Variants in GPR160 observed in about 807,000 individuals in gnomAD.
GPR160 encodes the protein probable G protein-coupled receptor 160.
In GPR160, 2 loss-of-function variants were observed where a neutral mutation model predicts 2.6. That is an observed-to-expected ratio of 0.77 (90% CI 0.32 to 2.44). GPR160 has a LOEUF of 2.44. Among genes scored for constraint, GPR160 ranks in the 30% most tolerant of loss-of-function variants. The pLI is 0.11. For synonymous variants in GPR160, 130 were observed against 132.2 expected, an observed-to-expected ratio of 0.98 and a Z score of 0.12; for missense variants, 351 against 383.6, an observed-to-expected ratio of 0.91 and a Z score of 0.71.
intron 2 of GPR160, among the ~76,000 whole-genome samples, chr3:170,060,498 C>T (rs1040446677): frequency 3.3e-5 from 5 of 152,174 alleles, no homozygotes; most frequent in Non-Finnish European, 5.9e-5. Context: ...CGAGGTGGCT[C>T]ATGCCTATAA....
chr3:170,047,026 C>G (rs1250142256), intron 2 of GPR160, among the ~76,000 whole-genome samples: 1 of 152,166 alleles, frequency 6.6e-6, no homozygotes. Flanking sequence ...AGTGATTCCC[C>G]TCCAAGCAGC....
intron 3 of GPR160, among the ~76,000 whole-genome samples, chr3:170,081,161 G>A (rs1713101311): frequency 6.6e-6 from 1 of 152,178 alleles, no homozygotes; most frequent in African/African-American, 2.4e-5. Context: ...AACATTGGTT[G>A]TTTAAAACTA....
intron 2 of GPR160, chr3:170,062,479 G>T: frequency 3.4e-6 from 2 of 590,762 alleles, no homozygotes; most frequent in South Asian, 3.6e-5. Flanking sequence ...CAAATGCCAG[G>T]GGAAACCATT....
chr3:170,084,427 CTT>C lies in GPR160; in HGVS notation c.456_457del (p.Tyr153CysfsTer66). On this transcript the variant is annotated frameshift_variant, in exon 4 of 4. Transcript: ENST00000355897. LOFTEE classifies it low-confidence loss of function (END_TRUNC). The stretch of plus-strand genomic sequence containing the variant: ...ATTTTAATTTGGATTTCAGTCCTTG[CTT>C]ATGTTTTGGGAGACCCAGCCATCTA... The C allele has an allele frequency of 2.5e-6, 4 of 1,610,010 alleles. No homozygotes were observed. In the South Asian group the frequency reaches 4.4e-5, roughly 18 times the overall value.
At chr3:170,061,427 T>C (rs562250227) in intron 2 of GPR160, among the ~76,000 whole-genome samples, 2 of 152,220 alleles carry the variant, frequency 1.3e-5, no homozygotes, top group East Asian at 3.9e-4. Flanking sequence ...ATATGGACTA[T>C]GTATTAGATA....
chr3:170,083,116 GTCCTT>G (rs1176200657), intron 3 of GPR160, among the ~76,000 whole-genome samples: 1 of 151,362 alleles, frequency 6.6e-6, no homozygotes, highest in African/African-American at 2.4e-5. Flanking sequence ...TTTCCTTTCA[GTCCTT>G]TCCTGATTCT....
Position 170,084,710 on chromosome 3 carries a change from C to G in GPR160, c.738C>G (p.Val246=). The change falls in exon 4 of 4, where the codon GTC becomes GTG. Residue 246 remains valine, a synonymous_variant. Coordinates refer to ENST00000355897, the MANE Select transcript of GPR160 (RefSeq NM_014373.3). ...AAATATTCTTATCCAAGCTCATTGT[C>G]TGTTTTCTCAGTACCTGGTTACCAT... The part of the protein sequence containing the change: ...SKKIFLSKLI[V]CFLSTWLPFV... 6.2e-7 allele frequency: 1 copy of G among 1,612,606 alleles called. No homozygotes were observed. Among genetic ancestry groups the G allele is most frequent in the Admixed American group, 1.7e-5 (1 of 59,990 alleles).
intron 3 of GPR160, among the ~76,000 whole-genome samples, chr3:170,081,982 T>C (rs1713155809): frequency 6.6e-6 from 1 of 152,248 alleles, no homozygotes; most frequent in African/African-American, 2.4e-5. Context: ...TGACAGGTAT[T>C]TGGGTTGATT....
intron 2 of GPR160, among the ~76,000 whole-genome samples, chr3:170,047,501 AT>A (rs1032585366): frequency 6.6e-6 from 1 of 152,204 alleles, no homozygotes; most frequent in Non-Finnish European, 1.5e-5. Flanking sequence ...AAATTTTAAC[AT>A]TTTATAAACA....
chr3:170,079,025 C>A (rs1445228276), intron 2 of GPR160, among the ~76,000 whole-genome samples: 2 of 152,158 alleles, frequency 1.3e-5, no homozygotes, highest in Non-Finnish European at 1.5e-5. Flanking sequence ...TTGTGTTGTC[C>A]AGAAACCGAC....
intron 3 of GPR160, among the ~76,000 whole-genome samples, chr3:170,082,630 C>T (rs1189808111): frequency 6.6e-6 from 1 of 151,434 alleles, no homozygotes; most frequent in African/African-American, 2.5e-5. Flanking sequence ...GGGTCTTGCT[C>T]TGTCACCCAG....
At position 170,084,982 on chromosome 3, in the gene GPR160, TTTG is replaced by T. The variant is rs752373575; in HGVS notation, c.1013_1015del (p.Cys338del). On this transcript the variant is annotated inframe_deletion, in exon 4 of 4. Transcript: ENST00000355897. ...ATTGAAAAGCCTATATCAATAATGATTTGTTAATATTATTAATTAAAAGTTACA... is the reference window on the plus strand; with the variant it reads ...ATTGAAAAGCCTATATCAATAATGATTTAATATTATTAATTAAAAGTTACA... The T allele has an allele frequency of 1.3e-4, 193 of 1,431,886 alleles. No individual in the cohort carries two copies. The highest frequency in any genetic ancestry group is 3.7e-4 in the Admixed American group (16 of 43,346). 88.7% of individuals were successfully genotyped at this position (1,431,886 alleles called of 1,614,324 possible).
rs146974695 is a variant in GPR160 at position 170,081,468 on chromosome 3, G to A, written c.-69+1571G>A. ...TATTATTGCCTTTACACATATATAC[G>A]TTTGTATAAGTAGATTATTTGTATA... On this transcript the variant is annotated intron_variant, in intron 3 of 3. Coordinates refer to ENST00000355897, the MANE Select transcript of GPR160 (RefSeq NM_014373.3). Among the ~76,000 whole-genome samples, 526 of 152,222 alleles carry A rather than the reference G, an allele frequency of 3.5e-3. 5 individuals carry two copies. The highest frequency in any genetic ancestry group is 0.012 in the African/African-American group (506 of 41,526).
chr3:170,053,737 G>A (rs1711508632), intron 2 of GPR160, among the ~76,000 whole-genome samples: 1 of 152,076 alleles, frequency 6.6e-6, no homozygotes, highest in South Asian at 2.1e-4. Flanking sequence ...TTTCATAGAT[G>A]TTCCTTATCA....
In GPR160 at chr3:170,050,667, C is replaced by A. The variant is rs56865946; in HGVS notation, c.-193+11624C>A. The stretch of plus-strand genomic sequence containing the variant: ...CATTGAACTTCTTTCTGTCTCTTGC[C>A]TTGTCTGGGAAATTTCAAATAAGAG... On this transcript the variant is annotated intron_variant, in intron 2 of 3. Coordinates refer to ENST00000355897, the MANE Select transcript of GPR160 (RefSeq NM_014373.3). Among the ~76,000 whole-genome samples the A allele has an allele frequency of 6.3e-3, 954 of 152,248 alleles. 5 individuals are homozygous for A. The highest frequency in any genetic ancestry group is 0.021 in the African/African-American group (863 of 41,542).
At chr3:170,046,743 A>C (rs761588469) in intron 2 of GPR160, among the ~76,000 whole-genome samples, 2 of 152,192 alleles carry the variant, frequency 1.3e-5, no homozygotes, top group Non-Finnish European at 2.9e-5. Context: ...TTGATCTTTA[A>C]ACTAGCAATG....
At chr3:170,054,873 A>C (rs1269208584) in intron 2 of GPR160, among the ~76,000 whole-genome samples, 1 of 151,260 alleles carries the variant, frequency 6.6e-6, no homozygotes. Context: ...GGCTCACTGC[A>C]ACCTCTGCCT....
rs574502140 is a variant in GPR160, at chr3:170,050,369, G to A, written c.-193+11326G>A. ...AGTGATTCTCCTGCCTTGGCCTCCCGGGTAGCTGGGATTACAGGCACCTGC... is the reference window on the plus strand; with the variant it reads ...AGTGATTCTCCTGCCTTGGCCTCCCAGGTAGCTGGGATTACAGGCACCTGC... On this transcript the variant is annotated intron_variant, in intron 2 of 3. Coordinates refer to ENST00000355897, the MANE Select transcript of GPR160 (RefSeq NM_014373.3). Among the ~76,000 whole-genome samples the A allele has an allele frequency of 1.3e-3, 197 of 151,656 alleles. No individual in the cohort carries two copies. In the Middle Eastern group the frequency reaches 0.014, roughly 11 times the overall value.
intron 2 of GPR160, among the ~76,000 whole-genome samples, chr3:170,051,822 T>C (rs1716971507): frequency 6.6e-6 from 1 of 152,130 alleles, no homozygotes; most frequent in Non-Finnish European, 1.5e-5. Context: ...AAAAAAAAAG[T>C]TTTAAATTTT....
Sources: allele counts gnomAD v4.1 joint callset (sites outside exome capture counted in the v4.1 genomes callset), GRCh38; gene constraint gnomAD v4.1.1; transcripts MANE v1.5; gene names NCBI Gene and HGNC (gene_info 2026-07-23, HGNC 2026-07-21).